MTFR1: variants seen among roughly 807,000 people sequenced by gnomAD.
MTFR1 encodes the protein mitochondrial fission regulator 1, also known as chondrocyte protein with a poly-proline region.
In MTFR1, 28 loss-of-function variants were observed where a neutral mutation model predicts 38.8. The ratio of observed to expected loss-of-function variants is 0.72; its 90% CI spans 0.53 to 0.99. MTFR1 has a LOEUF of 0.99. Ranked by LOEUF, MTFR1 falls within the 50% of genes least tolerant of loss-of-function variation. The pLI is 0.00. For missense variants in MTFR1, 358 were observed against 395.5 expected (o/e 0.91, Z 0.81); for synonymous variants, 145 against 137.0 (o/e 1.06, Z -0.41).
At chr8:65,682,667 G>A in intron 3 of MTFR1, 1 of 674,814 alleles carries the variant, frequency 1.5e-6, no homozygotes, top group Non-Finnish European at 1.8e-6. Context: ...TCCTTCTTAA[G>A]GATGCATATG....
rs1057255532 is a variant in MTFR1, at chr8:65,704,944, C to A, written c.517+15C>A. On this transcript the variant is annotated intron_variant, in intron 5 of 7. Transcript: ENST00000262146. The stretch of plus-strand genomic sequence containing the variant: ...TCTCACTGCAGGTCTGTAAGTCCTA[C>A]ATTTGTTAGTTTTAACTTGCAAACT... 11 of 1,554,162 alleles carry A rather than the reference C, an allele frequency of 7.1e-6. No individual in the cohort carries two copies. The highest frequency in any genetic ancestry group is 3.8e-5 in the Admixed American group (2 of 52,262).
chr8:65,724,360 C>G (rs1057474147), intron 3 of MTFR1: 1 of 1,593,194 alleles, frequency 6.3e-7, no homozygotes, highest in Non-Finnish European at 8.6e-7. Context: ...ATCTAGCAAA[C>G]AAAACATTAA....
chr8:65,709,148 C>A lies in MTFR1; in HGVS notation c.*104C>A. The A allele has an allele frequency of 9.9e-7, 1 of 1,009,474 alleles. No homozygotes were observed. The highest frequency in any genetic ancestry group is 1.5e-6 in the Non-Finnish European group (1 of 649,290). The allele number at this position is 1,009,474 out of a possible 1,614,324, so 62.5% of individuals were successfully genotyped here. A position where few individuals can be genotyped will look rare whatever the true frequency, so the allele number is the denominator to read the frequency against. On this transcript the variant is annotated 3_prime_UTR_variant, in exon 8 of 8. Coordinates refer to ENST00000262146, the MANE Select transcript of MTFR1 (RefSeq NM_014637.4). ...GTTTAGTAAATACCTCTTTAGTATT[C>A]AGTGGTCTTCTTTTCAGGCTAATTA...
At chr8:65,662,496 T>C (rs559119984) in intron 1 of MTFR1, among the ~76,000 whole-genome samples, 26 of 149,178 alleles carry the variant, frequency 1.7e-4, no homozygotes, top group African/African-American at 6.4e-4. Context: ...AGTGCGGAGA[T>C]TGCAGCCTCT....
intron 1 of MTFR1, among the ~76,000 whole-genome samples, chr8:65,664,136 A>T (rs1804302145): frequency 6.6e-6 from 1 of 152,094 alleles, no homozygotes; most frequent in Non-Finnish European, 1.5e-5. Context: ...GTTTCTATTA[A>T]AACTATATAT....
At chr8:65,757,366 T>C (rs1808281482) in intron 3 of MTFR1, among the ~76,000 whole-genome samples, 1 of 152,124 alleles carries the variant, frequency 6.6e-6, no homozygotes, top group Non-Finnish European at 1.5e-5. Flanking sequence ...CATCCCCTGG[T>C]TTTCATACAT....
At chr8:65,774,683 ATATC>A (rs1809206736), downstream of MTFR1, among the ~76,000 whole-genome samples, 1 of 151,698 alleles carries the variant, frequency 6.6e-6, no homozygotes, top group Non-Finnish European at 1.5e-5. Flanking sequence ...TTATTTGAAA[ATATC>A]TAATGGCTAA....
intron 1 of MTFR1, among the ~76,000 whole-genome samples, chr8:65,662,872 C>T (rs569567483): frequency 1.3e-5 from 2 of 151,376 alleles, no homozygotes; most frequent in South Asian, 4.2e-4. Flanking sequence ...GGGTTAGGCC[C>T]CAGCCCGGCC....
Position 65,707,058 on chromosome 8 carries a change from C to G in MTFR1, c.566C>G (p.Pro189Arg). The change falls in exon 6 of 8, where the codon CCT (proline) becomes CGT (arginine). Residue 189 changes from proline to arginine, a missense_variant. Coordinates refer to ENST00000262146, the MANE Select transcript of MTFR1 (RefSeq NM_014637.4). ...GGTACCATACCACCACACCCTCCAC[C>G]TCCCCCACCGCCCCTGCCTCCCCCT... ...TFGTIPPHPPPPPPPLPPPAL... is the reference protein window; with the variant it reads ...TFGTIPPHPPRPPPPLPPPAL... 1 of 1,607,258 alleles carries G rather than the reference C, an allele frequency of 6.2e-7. No homozygotes were observed. Among genetic ancestry groups the G allele is most frequent in the South Asian group, 1.1e-5 (1 of 90,896 alleles).
At chr8:65,679,132 A>G (rs1468959628) in intron 2 of MTFR1, among the ~76,000 whole-genome samples, 8 of 152,178 alleles carry the variant, frequency 5.3e-5, no homozygotes, top group Non-Finnish European at 1.2e-4. Context: ...GAGGGGAGAA[A>G]GATTCACTTT....
Position 65,686,340 on chromosome 8 carries a change from T to G in MTFR1, c.165+3889T>G, listed in dbSNP as rs566269789. 4.6e-5 allele frequency among the ~76,000 whole-genome samples: 7 copies of G among 151,022 alleles called. No homozygotes were observed. In the East Asian group the frequency reaches 1.4e-3, roughly 30 times the overall value. ...TAATCCCAGCACTTTGGGAGGCCAA[T>G]GCGGGTGGATCACCTGAGGTCAGGA... On this transcript the variant is annotated intron_variant, in intron 3 of 7. Transcript: ENST00000262146.
chr8:65,703,644 A>G (rs1451728523), intron 4 of MTFR1, among the ~76,000 whole-genome samples: 1 of 151,774 alleles, frequency 6.6e-6, no homozygotes, highest in Non-Finnish European at 1.5e-5. Flanking sequence ...CTGTTGGCCC[A>G]GGCTGGTCTT....
chr8:65,760,956 A>C (rs569486239), intron 3 of MTFR1, among the ~76,000 whole-genome samples: 1 of 152,372 alleles, frequency 6.6e-6, no homozygotes, highest in East Asian at 1.9e-4. Context: ...ACTGGGAACA[A>C]GAGTGACTAT....
intron 3 of MTFR1, chr8:65,724,279 C>A (rs1806517163): frequency 3.7e-6 from 6 of 1,611,766 alleles, no homozygotes; most frequent in Non-Finnish European, 4.2e-6. Flanking sequence ...TCCTCCGTTA[C>A]TTTTTCACTC....
At chr8:65,647,354 C>T (rs1808987902) in intron 1 of MTFR1, among the ~76,000 whole-genome samples, 1 of 152,000 alleles carries the variant, frequency 6.6e-6, no homozygotes, top group Admixed American at 6.6e-5. Flanking sequence ...CTCTTGTTGC[C>T]CAGGATGCAG....
At chr8:65,739,577 T>C (rs897345925) in intron 3 of MTFR1, 3 of 1,548,346 alleles carry the variant, frequency 1.9e-6, no homozygotes, top group Non-Finnish European at 2.6e-6. Context: ...AAATGAAAGG[T>C]TAAGCTTACT....
chr8:65,755,350 T>C (rs1808177594), intron 3 of MTFR1, among the ~76,000 whole-genome samples: 1 of 152,134 alleles, frequency 6.6e-6, no homozygotes, highest in African/African-American at 2.4e-5. Flanking sequence ...TTTAGGTTTT[T>C]GTTTTGTTTT....
At position 65,710,371 on chromosome 8, in the gene MTFR1, A is replaced by G. The variant is rs1370669663; in HGVS notation, c.*1327A>G. On this transcript the variant is annotated 3_prime_UTR_variant, in exon 8 of 8. Transcript: ENST00000262146. ...ACTGTGGCTTATGTTACACATGTTC[A>G]TGTTCACCTCTCATTCACCTGTTTT... 3 of 152,502 alleles carry G rather than the reference A, an allele frequency of 2.0e-5. No homozygotes were observed. Among genetic ancestry groups the G allele is most frequent in the Non-Finnish European group, 4.4e-5 (3 of 68,036 alleles). 9.4% of individuals were successfully genotyped at this position (152,502 alleles called of 1,614,324 possible).
At chr8:65,686,822 C>G (rs1805096092) in intron 3 of MTFR1, among the ~76,000 whole-genome samples, 1 of 150,880 alleles carries the variant, frequency 6.6e-6, no homozygotes, top group Admixed American at 6.6e-5. Context: ...ACTTAGGAGG[C>G]TGAGGCAGGA....
Sources: allele counts gnomAD v4.1 joint callset (sites outside exome capture counted in the v4.1 genomes callset), GRCh38; gene constraint gnomAD v4.1.1; transcripts MANE v1.5; gene names NCBI Gene and HGNC (gene_info 2026-07-23, HGNC 2026-07-21).